NES: variants seen among roughly 807,000 people sequenced by gnomAD.
The protein encoded by NES is nestin.
A neutral mutation model predicts 35.6 loss-of-function variants in NES; 27 were observed. The ratio of observed to expected loss-of-function variants is 0.76; its 90% confidence interval spans 0.56 to 1.04. The LOEUF (loss-of-function observed/expected upper bound fraction) is 1.04, where lower values mean the gene tolerates loss of function less well. Among genes scored for constraint, NES ranks in the 50% least tolerant of loss-of-function variants. The probability of loss-of-function intolerance (pLI) is 0.00; values close to 1 mark genes in which losing one functional copy is unlikely to be tolerated. For synonymous variants in NES, 822 were observed against 824.2 expected (o/e 1.00, Z 0.04); for missense variants, 1,867 against 1,983.6 (o/e 0.94, Z 1.12).
At position 156,671,349 on chromosome 1, in the gene NES, C is replaced by T; in HGVS notation, c.2839G>A (p.Asp947Asn). The T allele has an allele frequency of 1.9e-6, 3 of 1,614,144 alleles. No homozygotes were observed. Among genetic ancestry groups the T allele is most frequent in the Non-Finnish European group, 2.5e-6 (3 of 1,180,050 alleles). ...EEGQELPQSA[D>N]VQRWEDTVEK... The stretch of plus-strand genomic sequence containing the variant: ...ACCGTATCTTCCCACCTCTGCACAT[C>T]TGCAGACTGCGGCAGCTCCTGTCCC... Residue 947 changes from aspartate to asparagine, a missense_variant, in exon 4 of 4, where the codon GAT becomes AAT. By Grantham distance (23) the Asp-to-Asn change is conservative (BLOSUM62 1). Coordinates refer to ENST00000368223, the MANE Select transcript of NES (RefSeq NM_006617.2).
rs774566850 is a variant in NES at position 156,676,782 on chromosome 1, G to C, written c.483C>G (p.Cys161Trp). 1.8e-5 allele frequency: 25 copies of C among 1,382,154 alleles called. No individual in the cohort carries two copies. Among genetic ancestry groups the C allele is most frequent in the Non-Finnish European group, 7.4e-6 (8 of 1,078,912 alleles). 85.6% of individuals were successfully genotyped at this position (1,382,154 alleles called of 1,614,324 possible). Residue 161 changes from cysteine to tryptophan, a missense_variant, in exon 1 of 4, where the codon TGC becomes TGG. By Grantham distance (215) the Cys-to-Trp change is radical. Coordinates refer to ENST00000368223, the MANE Select transcript of NES (RefSeq NM_006617.2). This position sits in a 1 kb window ranked among gnomAD's most constrained non-coding sequence, Gnocchi z 5.3. ...CGGGAGGCCCGCGGGGCGGCGCGGG[G>C]CAGCGGGGGGCACAGGCAGCCTGCG... is the stretch of plus-strand genomic sequence containing the variant. ...LNAQAACAPRCPAPPRGPPAP... is the reference protein window; with the variant it reads ...LNAQAACAPRWPAPPRGPPAP...
chr1:156,673,261 G>C, intron 3 of NES, 56 bp from the exon 4 acceptor site: 2 of 1,396,548 alleles, frequency 1.4e-6, no homozygotes, highest in Non-Finnish European at 1.9e-6. Flanking sequence ...AATGAGGGGA[G>C]CCACAGAGCA....
intron 2 of NES, among the ~76,000 whole-genome samples, 168 bp from the exon 3 acceptor site, chr1:156,673,695 C>T (rs1262150290): frequency 1.3e-5 from 2 of 152,196 alleles, no homozygotes; most frequent in Non-Finnish European, 2.9e-5. Flanking sequence ...ATCACACAGT[C>T]ACATACCCAC....
chr1:156,669,545 T>A lies in NES; in HGVS notation c.4643A>T (p.His1548Leu), dbSNP rs1246779625. 3.1e-6 allele frequency: 5 copies of A among 1,613,054 alleles called. No homozygotes were observed. Among genetic ancestry groups the A allele is most frequent in the Middle Eastern group, 1.6e-4 (1 of 6,078 alleles). The change falls in exon 4 of 4, where the codon CAT (histidine) becomes CTT (leucine). Residue 1548 changes from histidine (H) to leucine (L), a missense_variant. Coordinates refer to ENST00000368223, the MANE Select transcript of NES (RefSeq NM_006617.2). Reference sequence around the variant, plus strand: ...CCCGTTCATCACTCCCCCATTCACATGCTGTGACTTCCCCTCCAAGTTGGG... The same window carrying A: ...CCCGTTCATCACTCCCCCATTCACAAGCTGTGACTTCCCCTCCAAGTTGGG... ...QGPNLEGKSQHVNGGVMNGLE... is the reference protein window; with the variant it reads ...QGPNLEGKSQLVNGGVMNGLE...
rs1362136348 is a variant in NES at position 156,670,494 on chromosome 1, C to T, written c.3694G>A (p.Ala1232Thr). 1 of 1,587,148 alleles carries T rather than the reference C, an allele frequency of 6.3e-7. No homozygotes were observed. The highest frequency in any genetic ancestry group is 8.6e-7 in the Non-Finnish European group (1 of 1,164,380). Reference protein sequence around the residue: ...SPTYTPILEDAPGPQPQAEGS... With the variant: ...SPTYTPILEDTPGPQPQAEGS... ...TCAGCCTGAGGCTGAGGCCCAGGGG[C>T]ATCTTCCAGGATCGGGGTGTACGTT... The change falls in exon 4 of 4, where the codon GCC becomes ACC. Residue 1232 changes from alanine to threonine, a missense_variant. Physicochemically the swap from Ala to Thr is moderately conservative, Grantham distance 58. Transcript: ENST00000368223.
chr1:156,675,354 G>A lies in NES; in HGVS notation c.784-14C>T, dbSNP rs370392448. The A allele has an allele frequency of 1.5e-5, 24 of 1,594,594 alleles. No homozygotes were observed. The highest frequency in any genetic ancestry group is 9.0e-5 in the East Asian group (4 of 44,350). On this transcript the variant is annotated splice_polypyrimidine_tract_variant and intron_variant, in intron 1 of 3. Transcript: ENST00000368223. ...CTCCACAGCCAGCTGCAGGGCAGGC[G>A]AGAGGCAGTCAGTGGAGGGGCTGGG...
chr1:156,668,772 G>A lies in NES; in HGVS notation c.*550C>T, dbSNP rs1390729420. On this transcript the variant is annotated 3_prime_UTR_variant, in exon 4 of 4. Transcript: ENST00000368223. ...AAAGAAGAGTCCAGACTTTGAAGCGGAGGCATTACTTTATTCAGGCAGGGA... is the reference window on the plus strand; with the variant it reads ...AAAGAAGAGTCCAGACTTTGAAGCGAAGGCATTACTTTATTCAGGCAGGGA... The A allele has an allele frequency of 2.0e-5, 3 of 152,602 alleles. No homozygotes were observed. The highest frequency in any genetic ancestry group is 7.2e-5 in the African/African-American group (3 of 41,458). 9.5% of individuals were successfully genotyped at this position (152,602 alleles called of 1,614,324 possible). A position where few individuals can be genotyped will look rare whatever the true frequency, so the allele number is the denominator to read the frequency against.
chr1:156,670,045 C>T lies in NES; in HGVS notation c.4143G>A (p.Gly1381=), dbSNP rs1431736941. 3.1e-6 allele frequency: 5 copies of T among 1,614,012 alleles called. No homozygotes were observed. The East Asian group carries it at 8.9e-5, about 29-fold the overall frequency. The part of the protein sequence containing the change: ...DLGTEAPFLP[G]VPGEVAEPLG... Reference sequence around the variant, plus strand: ...GAGGTTCTGCCACCTCCCCAGGGACCCCAGGAAGAAAAGGTGCCTCAGTCC... The same window carrying T: ...GAGGTTCTGCCACCTCCCCAGGGACTCCAGGAAGAAAAGGTGCCTCAGTCC... The change falls in exon 4 of 4, where the codon GGG becomes GGA. Residue 1381 remains glycine (G), a synonymous_variant. Transcript: ENST00000368223.
chr1:156,669,759 C>G lies in NES; in HGVS notation c.4429G>C (p.Val1477Leu), dbSNP rs777765737. The G allele has an allele frequency of 6.2e-7, 1 of 1,614,068 alleles. No individual in the cohort carries two copies. Among genetic ancestry groups the G allele is most frequent in the South Asian group, 1.1e-5 (1 of 91,086 alleles). ...AGGGCAGTCTTGGGGGCACCAGCCA[C>G]TGCACCCCTCAAGCTGTCATCCCAG... ...VPWDDSLRGA[V>L]AGAPKTALET... is the part of the protein sequence containing the mutation. Residue 1477 changes from valine to leucine, a missense_variant, in exon 4 of 4, where the codon GTG becomes CTG. Physicochemically the swap from Val to Leu is conservative, Grantham distance 32. Coordinates refer to ENST00000368223, the MANE Select transcript of NES (RefSeq NM_006617.2).
chr1:156,673,501 C>CGG lies in NES; in HGVS notation c.933_934dup (p.Arg312ProfsTer41). ...GGAGCCACCGCCAGGTGTTTGCAGC[C>CGG]GGGAGTTCTCAGCCTCCAGGAGGGT... On this transcript the variant is annotated frameshift_variant, in exon 3 of 4. Coordinates refer to ENST00000368223, the MANE Select transcript of NES (RefSeq NM_006617.2). LOFTEE classifies it low-confidence loss of function (END_TRUNC). 3.1e-6 allele frequency: 5 copies of CGG among 1,612,706 alleles called. No individual in the cohort carries two copies. The highest frequency in any genetic ancestry group is 4.2e-6 in the Non-Finnish European group (5 of 1,179,112).
At position 156,676,765 on chromosome 1, in the gene NES, C is replaced by T. The variant is rs1007851581; in HGVS notation, c.500G>A (p.Gly167Glu). 40 of 1,358,486 alleles carry T rather than the reference C, an allele frequency of 2.9e-5. No individual in the cohort carries two copies. The highest frequency in any genetic ancestry group is 3.6e-5 in the Non-Finnish European group (38 of 1,064,698). 84.2% of individuals were successfully genotyped at this position (1,358,486 alleles called of 1,614,324 possible). ...CAPRCPAPPR[G>E]PPAPAPEVEE... Reference sequence around the variant, plus strand: ...TACCTCCGGGGCCGGCGCGGGAGGCCCGCGGGGCGGCGCGGGGCAGCGGGG... The same window carrying T: ...TACCTCCGGGGCCGGCGCGGGAGGCTCGCGGGGCGGCGCGGGGCAGCGGGG... Residue 167 changes from glycine (G) to glutamate (E), a missense_variant, in exon 1 of 4, where the codon GGG (glycine) becomes GAG (glutamate). Coordinates refer to ENST00000368223, the MANE Select transcript of NES (RefSeq NM_006617.2). This position sits in a 1 kb window ranked among gnomAD's most constrained non-coding sequence, Gnocchi z 5.3.
Position 156,670,192 on chromosome 1 carries a change from C to G in NES, c.3996G>C (p.Trp1332Cys). 1 of 1,614,090 alleles carries G rather than the reference C, an allele frequency of 6.2e-7. No individual in the cohort carries two copies. ...PPQGETGKEG[W>C]DPAVLASEGL... Reference sequence around the variant, plus strand: ...CCTCGGAAGCCAGGACAGCAGGATCCCAGCCCTCCTTTCCAGTCTCCCCTT... The same window carrying G: ...CCTCGGAAGCCAGGACAGCAGGATCGCAGCCCTCCTTTCCAGTCTCCCCTT... Residue 1332 changes from tryptophan (W) to cysteine (C), a missense_variant, in exon 4 of 4, where the codon TGG becomes TGC. Physicochemically the swap from Trp to Cys is radical, Grantham distance 215. Transcript: ENST00000368223.
In NES at chr1:156,673,407, A is replaced by G. The variant is rs763969409; in HGVS notation, c.982+47T>C. ...TCGGGAAAGATAGGTCTGGGTATGA[A>G]GAGCAAAGCAGGGTAGTTTCTGGGG... On this transcript the variant is annotated intron_variant, in intron 3 of 3. Transcript: ENST00000368223. The G allele has an allele frequency of 2.6e-6, 4 of 1,551,400 alleles. No homozygotes were observed. In the African/African-American group the frequency reaches 5.5e-5, roughly 21 times the overall value.
Position 156,673,533 on chromosome 1 carries a change from G to C in NES, c.909-6C>G. ...TCTCAGCCTCCAGGAGGGTCCTGGAGAGGACAGAGGGAAAGTGGGGTCAGC... is the reference window on the plus strand; with the variant it reads ...TCTCAGCCTCCAGGAGGGTCCTGGACAGGACAGAGGGAAAGTGGGGTCAGC... On this transcript the variant is annotated splice_region_variant and splice_polypyrimidine_tract_variant and intron_variant, in intron 2 of 3. Coordinates refer to ENST00000368223, the MANE Select transcript of NES (RefSeq NM_006617.2). 6.2e-7 allele frequency: 1 copy of C among 1,606,206 alleles called. No individual in the cohort carries two copies. Among genetic ancestry groups the C allele is most frequent in the South Asian group, 1.1e-5 (1 of 90,446 alleles).
In NES at chr1:156,676,695, C is replaced by G; in HGVS notation, c.570G>C (p.Val190=). Residue 190 remains valine, a synonymous_variant, in exon 1 of 4, where the codon GTG becomes GTC. Transcript: ENST00000368223. This position sits in a 1 kb window ranked among gnomAD's most constrained non-coding sequence, Gnocchi z 5.3. ...GTGCCACGCGCTCCTGGTAGCCGCG[C>G]ACTGCCCCGCGCCACGCCTCGCCCA... ...RRLGEAWRGA[V]RGYQERVAHM... The G allele has an allele frequency of 6.8e-7, 1 of 1,478,690 alleles. No homozygotes were observed. The highest frequency in any genetic ancestry group is 1.5e-5 in the African/African-American group (1 of 67,624). 91.6% of individuals were successfully genotyped at this position (1,478,690 alleles called of 1,614,324 possible). A position where few individuals can be genotyped will look rare whatever the true frequency, so the allele number is the denominator to read the frequency against.
rs1679766022 is a variant in NES, at chr1:156,672,916, A to G, written c.1272T>C (p.Ala424=). The change falls in exon 4 of 4, where the codon GCT becomes GCC. Residue 424 remains alanine (A), a synonymous_variant. Coordinates refer to ENST00000368223, the MANE Select transcript of NES (RefSeq NM_006617.2). The stretch of plus-strand genomic sequence containing the variant: ...TGGCTTCAGCCCGCAGGGGCTCTGG[A>G]GCCTGTTTCCTCCCACCCTGTGTCT... ...LLQTQGGRKQ[A]PEPLRAEARV... 2 of 1,613,948 alleles carry G rather than the reference A, an allele frequency of 1.2e-6. No individual in the cohort carries two copies. Among genetic ancestry groups the G allele is most frequent in the Non-Finnish European group, 1.7e-6 (2 of 1,180,010 alleles).
At chr1:156,675,380 G>T in intron 1 of NES, 40 bp from the exon 2 acceptor site, 1 of 1,561,946 alleles carries the variant, frequency 6.4e-7, no homozygotes. Flanking sequence ...AGGGGCTGGG[G>T]TCCCTTCTGT....
rs1433220037 is a variant in NES at position 156,677,204 on chromosome 1, C to A, written c.61G>T (p.Ala21Ser). 1 of 1,612,602 alleles carries A rather than the reference C, an allele frequency of 6.2e-7. No homozygotes were observed. The highest frequency in any genetic ancestry group is 1.3e-5 in the African/African-American group (1 of 74,896). ...AGCGCCTTGACCCGGGCCAGGTAGG[C>A]CTCCAGGCGCCGATTGAGCTCCCAC... Reference protein sequence around the residue: ...QMWELNRRLEAYLARVKALEE... With the variant: ...QMWELNRRLESYLARVKALEE... Residue 21 changes from alanine to serine, a missense_variant, in exon 1 of 4, where the codon GCC becomes TCC. Physicochemically the swap from Ala to Ser is moderately conservative, Grantham distance 99 (BLOSUM62 1). Transcript: ENST00000368223. This position sits in a 1 kb window ranked among gnomAD's most constrained non-coding sequence, Gnocchi z 4.5.
rs1300852454 is a variant in NES at position 156,676,806 on chromosome 1, C to A, written c.459G>T (p.Ala153=). ...GGCAGCGGGGGGCACAGGCAGCCTGCGCGTTCAGGCCGACGCGCTCCTCCT... is the reference window on the plus strand; with the variant it reads ...GGCAGCGGGGGGCACAGGCAGCCTGAGCGTTCAGGCCGACGCGCTCCTCCT... ...AHEEERVGLN[A]QAACAPRCPA... The change falls in exon 1 of 4, where the codon GCG becomes GCT. Residue 153 remains alanine, a synonymous_variant. Transcript: ENST00000368223. The surrounding 1 kb of genome is among the most constrained non-coding windows in gnomAD (Gnocchi z 5.3). The A allele has an allele frequency of 3.5e-6, 5 of 1,414,316 alleles. No homozygotes were observed. Among genetic ancestry groups the A allele is most frequent in the African/African-American group, 3.0e-5 (2 of 66,698 alleles). The allele number at this position is 1,414,316 out of a possible 1,614,324, so 87.6% of individuals were successfully genotyped here.
Sources: allele counts gnomAD v4.1 joint callset (sites outside exome capture counted in the v4.1 genomes callset), GRCh38; gene constraint gnomAD v4.1.1; non-coding constraint Gnocchi (gnomAD v3.1); transcripts MANE v1.5; gene names NCBI Gene and HGNC (gene_info 2026-07-23, HGNC 2026-07-21).